Variants in CACNB2 observed in about 807,000 individuals in gnomAD.
The protein encoded by CACNB2 is calcium voltage-gated channel auxiliary subunit beta 2, also known as voltage-dependent L-type calcium channel subunit beta-2.
CACNB2 carries 42 observed loss-of-function variants against 73.3 expected under a neutral mutation model. The observed-to-expected ratio is 0.57, with a 90% CI of 0.45 to 0.74. The LOEUF (loss-of-function observed/expected upper bound fraction) is 0.74, where lower values mean the gene tolerates loss of function less well. CACNB2 is among the 30% of genes least tolerant of loss of function. The pLI is 0.00. For missense variants in CACNB2, 940 were observed against 853.0 expected (o/e 1.10, Z -1.27); for synonymous variants, 348 against 310.3 (o/e 1.12, Z -1.28).
chr10:18,220,752 A>G (rs1046732345), intron 2 of CACNB2, among the ~76,000 whole-genome samples: 1 of 152,064 alleles, frequency 6.6e-6, no homozygotes, highest in Non-Finnish European at 1.5e-5. Context: ...GGAGCGTGCA[A>G]ACCCTACTGT....
At chr10:18,211,287 C>T (rs1023119343) in intron 2 of CACNB2, among the ~76,000 whole-genome samples, 1 of 152,194 alleles carries the variant, frequency 6.6e-6, no homozygotes, top group South Asian at 2.1e-4. Flanking sequence ...TAGGCTTGGA[C>T]ATTGCCATTG....
chr10:18,516,583 A>C (rs1486773808), intron 7 of CACNB2, among the ~76,000 whole-genome samples: 1 of 152,244 alleles, frequency 6.6e-6, no homozygotes, highest in African/African-American at 2.4e-5. Context: ...AAACGTTTTC[A>C]GTATGATCCC....
chr10:18,471,769 G>T (rs2048200129), intron 3 of CACNB2, among the ~76,000 whole-genome samples: 1 of 152,168 alleles, frequency 6.6e-6, no homozygotes, highest in African/African-American at 2.4e-5. Context: ...ACTCAGAAGG[G>T]ATCTTAAAAA....
At chr10:18,203,784 A>AT (rs1414552371) in intron 2 of CACNB2, among the ~76,000 whole-genome samples, 12 of 152,184 alleles carry the variant, frequency 7.9e-5, no homozygotes, top group African/African-American at 2.9e-4. Flanking sequence ...GGTTGTTGGA[A>AT]TAAAAAAAAA....
At chr10:18,486,293 C>T (rs1195667926) in intron 3 of CACNB2, among the ~76,000 whole-genome samples, 2 of 152,136 alleles carry the variant, frequency 1.3e-5, no homozygotes, top group African/African-American at 4.8e-5. Context: ...ACTATTAACT[C>T]ATTAGTCATT....
chr10:18,212,706 AC>A (rs2035367716), intron 2 of CACNB2, among the ~76,000 whole-genome samples: 1 of 152,206 alleles, frequency 6.6e-6, no homozygotes, highest in Non-Finnish European at 1.5e-5. Context: ...TTTTTACCCC[AC>A]CACAGATCTG....
chr10:18,294,902 G>A (rs542786338), intron 2 of CACNB2, among the ~76,000 whole-genome samples: 1 of 152,346 alleles, frequency 6.6e-6, no homozygotes, highest in East Asian at 1.9e-4. Context: ...CTGACATGTA[G>A]GAACTTCGTA....
intron 2 of CACNB2, among the ~76,000 whole-genome samples, chr10:18,396,984 A>G (rs1471252383): frequency 6.6e-6 from 1 of 152,204 alleles, no homozygotes; most frequent in Non-Finnish European, 1.5e-5. Context: ...GATTTCCTAC[A>G]GAAAGAGAAG....
chr10:18,237,612 G>A (rs1464370035), intron 2 of CACNB2, among the ~76,000 whole-genome samples: 4 of 152,174 alleles, frequency 2.6e-5, no homozygotes, highest in Non-Finnish European at 2.9e-5. Context: ...CCTATCCTAT[G>A]GTGCATAGCT....
chr10:18,268,393 A>G (rs1431175696), intron 2 of CACNB2, among the ~76,000 whole-genome samples: 1 of 152,256 alleles, frequency 6.6e-6, no homozygotes, highest in Non-Finnish European at 1.5e-5. Context: ...GACAATAGGA[A>G]TAAATAAATG....
intron 2 of CACNB2, among the ~76,000 whole-genome samples, chr10:18,382,516 T>C (rs1220021401): frequency 6.6e-6 from 1 of 152,102 alleles, no homozygotes; most frequent in Admixed American, 6.6e-5. Flanking sequence ...GCATTAGCCA[T>C]TTTTCCTAAT....
rs556339187 is a variant in CACNB2, at chr10:18,366,779, G to A, written c.214-35145G>A. ...CACACTCCAGCCTGGGCAACAAAGC[G>A]AGACTCCGTCTCAAAAAAAAAAAGC... On this transcript the variant is annotated intron_variant, in intron 2 of 13. Coordinates refer to ENST00000324631, the MANE Select transcript of CACNB2 (RefSeq NM_201596.3). Among the ~76,000 whole-genome samples the A allele has an allele frequency of 2.7e-5, 4 of 147,214 alleles. No individual in the cohort carries two copies. The Admixed American group carries it at 2.7e-4, about 10-fold the overall frequency.
At chr10:18,433,025 C>T (rs906496922) in intron 3 of CACNB2, among the ~76,000 whole-genome samples, 45 of 151,790 alleles carry the variant, frequency 3.0e-4, no homozygotes, top group Non-Finnish European at 5.9e-5. Flanking sequence ...CTTTGGGCTT[C>T]CTGTTTCTGT....
intron 2 of CACNB2, among the ~76,000 whole-genome samples, chr10:18,324,729 G>A (rs754944978): frequency 5.3e-5 from 8 of 152,252 alleles, no homozygotes; most frequent in South Asian, 2.1e-4. Flanking sequence ...GGTGGCATGC[G>A]TCTGTATTCC....
rs114659657 is a variant in CACNB2, at chr10:18,211,472, G to A, written c.213+60497G>A. Among the ~76,000 whole-genome samples, 996 of 152,278 alleles carry A rather than the reference G, an allele frequency of 6.5e-3. 10 individuals are homozygous for A. The highest frequency in any genetic ancestry group is 0.023 in the African/African-American group (940 of 41,558). On this transcript the variant is annotated intron_variant, in intron 2 of 13. Coordinates refer to ENST00000324631, the MANE Select transcript of CACNB2 (RefSeq NM_201596.3). ...ACATACCTATCACCCAGCTTCATGA[G>A]CTGGGTTTGTTTTTATTGCCAATAG...
intron 3 of CACNB2, among the ~76,000 whole-genome samples, chr10:18,442,213 G>C (rs893162995): frequency 6.6e-6 from 1 of 151,890 alleles, no homozygotes; most frequent in Non-Finnish European, 1.5e-5. Context: ...ACAATGGCGC[G>C]ATCTCTACTC....
intron 2 of CACNB2, among the ~76,000 whole-genome samples, chr10:18,385,007 C>A (rs552532583): frequency 1.3e-5 from 2 of 151,732 alleles, no homozygotes; most frequent in African/African-American, 4.8e-5. Context: ...CGGCTGGGTG[C>A]GGTAGATCAC....
intron 2 of CACNB2, among the ~76,000 whole-genome samples, chr10:18,170,397 T>C (rs1050028841): frequency 6.6e-6 from 1 of 152,204 alleles, no homozygotes; most frequent in South Asian, 2.1e-4. Context: ...TTGCCATCCC[T>C]CCAGCCTTTT....
chr10:18,241,566 C>T (rs891180053), intron 2 of CACNB2, among the ~76,000 whole-genome samples: 2 of 150,872 alleles, frequency 1.3e-5, no homozygotes, highest in East Asian at 1.9e-4. Flanking sequence ...ACATGTACCC[C>T]AGAACTTGAA....
Sources: gnomAD v4.1 joint callset for allele counts (sites outside exome capture counted in the v4.1 genomes callset) on GRCh38, gnomAD v4.1.1 for gene constraint, MANE v1.5 for transcripts, NCBI Gene and HGNC (gene_info 2026-07-23, HGNC 2026-07-21) for gene names.